Variants in ADAMTS19 observed in about 807,000 individuals in gnomAD.
ADAMTS19 encodes the protein A disintegrin and metalloproteinase with thrombospondin motifs 19.
Under a neutral mutation model 153.3 loss-of-function variants are expected in ADAMTS19, and 93 were observed. The observed-to-expected ratio is 0.61, with a 90% CI of 0.51 to 0.72. The LOEUF is 0.72. ADAMTS19 is among the 30% of genes least tolerant of loss of function. ADAMTS19 has a pLI of 0.00. For synonymous variants in ADAMTS19, 600 were observed against 556.6 expected (o/e 1.08, Z -1.10); for missense variants, 1,482 against 1,552.1 (o/e 0.95, Z 0.76).
chr5:129,593,568 A>G (rs1431947821), intron 7 of ADAMTS19, among the ~76,000 whole-genome samples: 3 of 152,078 alleles, frequency 2.0e-5, no homozygotes, highest in Admixed American at 1.3e-4. Flanking sequence ...TCTCCAAATT[A>G]TCGGGCTCCC....
intron 2 of ADAMTS19, among the ~76,000 whole-genome samples, chr5:129,486,576 A>G (rs1327422176): frequency 1.3e-5 from 2 of 152,144 alleles, no homozygotes; most frequent in African/African-American, 2.4e-5. Context: ...AGGAATAGAC[A>G]TAACTATCTC....
intron 21 of ADAMTS19, among the ~76,000 whole-genome samples, chr5:129,706,613 C>A: frequency 6.6e-6 from 1 of 151,486 alleles, no homozygotes; most frequent in African/African-American, 2.4e-5. Flanking sequence ...TGTTAACCTC[C>A]AACTAACTAT....
intron 10 of ADAMTS19, among the ~76,000 whole-genome samples, chr5:129,632,364 T>G (rs4467728): frequency 0.16 from 24,694 of 151,826 alleles, 2,212 homozygotes; most frequent in East Asian, 0.31. Context: ...TATATAGATA[T>G]AGATATAATA....
chr5:129,496,585 C>T (rs1293528445), intron 2 of ADAMTS19, among the ~76,000 whole-genome samples: 1 of 151,926 alleles, frequency 6.6e-6, no homozygotes, highest in South Asian at 2.1e-4. Flanking sequence ...ACATCTCTGT[C>T]AATTGTGAGG....
intron 8 of ADAMTS19, among the ~76,000 whole-genome samples, chr5:129,597,085 G>C (rs1750415705): frequency 6.6e-6 from 1 of 152,134 alleles, no homozygotes; most frequent in Non-Finnish European, 1.5e-5. Flanking sequence ...GCATGGTTTA[G>C]ATATAATGTA....
intron 10 of ADAMTS19, 38 bp downstream of exon 10, chr5:129,622,386 T>C: frequency 6.2e-7 from 1 of 1,609,142 alleles, no homozygotes; most frequent in Non-Finnish European, 8.5e-7. Flanking sequence ...GTTCATTCAT[T>C]GTTTAGAAGT....
intron 7 of ADAMTS19, among the ~76,000 whole-genome samples, chr5:129,554,591 A>C (rs1374070711): frequency 6.6e-6 from 1 of 152,126 alleles, no homozygotes; most frequent in Non-Finnish European, 1.5e-5. Flanking sequence ...GACATCATAT[A>C]CTGCAGAATG....
chr5:129,524,859 A>C (rs1751953376), intron 3 of ADAMTS19, among the ~76,000 whole-genome samples: 1 of 151,838 alleles, frequency 6.6e-6, no homozygotes, highest in Non-Finnish European at 1.5e-5. Flanking sequence ...ATATTCACTG[A>C]GTTGGTTTTT....
chr5:129,483,635 A>G (rs572749437), intron 2 of ADAMTS19, among the ~76,000 whole-genome samples: 3 of 152,308 alleles, frequency 2.0e-5, no homozygotes, highest in East Asian at 1.9e-4. Flanking sequence ...AGTGTCAGAT[A>G]TACTACTACA....
At chr5:129,610,859 C>T (rs1208683152) in intron 8 of ADAMTS19, among the ~76,000 whole-genome samples, 69 of 152,174 alleles carry the variant, frequency 4.5e-4, no homozygotes, top group Non-Finnish European at 4.4e-4. Flanking sequence ...CCTGAGGAAT[C>T]GCCACACTGT....
intron 16 of ADAMTS19, among the ~76,000 whole-genome samples, chr5:129,673,829 T>C (rs1486547012): frequency 6.6e-6 from 1 of 152,240 alleles, no homozygotes; most frequent in African/African-American, 2.4e-5. Context: ...AAATGTTATG[T>C]CATTTTAAAA....
rs939015621 is a variant in ADAMTS19 at position 129,737,490 on chromosome 5, A to T, written c.*272A>T. The T allele has an allele frequency of 7.7e-5, 17 of 219,636 alleles. No individual in the cohort carries two copies. The East Asian group carries it at 1.5e-3, about 19-fold the overall frequency. The allele number at this position is 219,636 out of a possible 1,614,324, so 13.6% of individuals were successfully genotyped here. On this transcript the variant is annotated 3_prime_UTR_variant, in exon 23 of 23. Coordinates refer to ENST00000274487, the MANE Select transcript of ADAMTS19 (RefSeq NM_133638.6). ...AGAAAAAGGAAAAAAATAGATCATT[A>T]TACTTAAAACAAGTTTTCGTTGTTT... is the stretch of plus-strand genomic sequence containing the variant.
intron 8 of ADAMTS19, among the ~76,000 whole-genome samples, chr5:129,601,832 A>G (rs1447521463): frequency 6.6e-6 from 1 of 152,170 alleles, no homozygotes; most frequent in African/African-American, 2.4e-5. Flanking sequence ...ACTCCCCACA[A>G]GGCAAACCTT....
At chr5:129,658,273 C>T (rs1392203659) in intron 14 of ADAMTS19, among the ~76,000 whole-genome samples, 1 of 143,174 alleles carries the variant, frequency 7.0e-6, no homozygotes, top group East Asian at 2.0e-4. Flanking sequence ...GTGACAGAAC[C>T]AGACCCCATC....
At chr5:129,669,530 T>C (rs1193661486) in intron 16 of ADAMTS19, among the ~76,000 whole-genome samples, 1 of 152,122 alleles carries the variant, frequency 6.6e-6, no homozygotes, top group Non-Finnish European at 1.5e-5. Context: ...CTAGCTAGAC[T>C]TGTTAATTTT....
chr5:129,582,372 T>A (rs1177455936), intron 7 of ADAMTS19, among the ~76,000 whole-genome samples: 1 of 151,872 alleles, frequency 6.6e-6, no homozygotes, highest in African/African-American at 2.4e-5. Flanking sequence ...TCTTTTTTTT[T>A]AATCTTTGTT....
chr5:129,605,744 A>G (rs778914392), intron 8 of ADAMTS19, among the ~76,000 whole-genome samples: 1 of 152,164 alleles, frequency 6.6e-6, no homozygotes, highest in Admixed American at 6.5e-5. Context: ...AATAACCAAT[A>G]TAGCCCTAAT....
At chr5:129,539,831 C>A (rs1752596330) in intron 6 of ADAMTS19, among the ~76,000 whole-genome samples, 1 of 152,034 alleles carries the variant, frequency 6.6e-6, no homozygotes, top group Non-Finnish European at 1.5e-5. Context: ...ACTGTTCTCC[C>A]TTTACTCACT....
At chr5:129,659,858 G>T (rs1300097427) in intron 15 of ADAMTS19, among the ~76,000 whole-genome samples, 1 of 152,066 alleles carries the variant, frequency 6.6e-6, no homozygotes, top group Non-Finnish European at 1.5e-5. Flanking sequence ...AAAGTGCTGA[G>T]ATTATAGGCA....
Sources: gnomAD v4.1 joint callset for allele counts (sites outside exome capture counted in the v4.1 genomes callset) on GRCh38, gnomAD v4.1.1 for gene constraint, MANE v1.5 for transcripts, NCBI Gene and HGNC (gene_info 2026-07-23, HGNC 2026-07-21) for gene names.